Variants in ADGRL1 observed in about 807,000 individuals in gnomAD.
ADGRL1 encodes the protein adhesion G protein-coupled receptor L1.
Under a neutral mutation model 148.9 loss-of-function variants are expected in ADGRL1, and 31 were observed. The ratio of observed to expected loss-of-function variants is 0.21; its 90% CI spans 0.16 to 0.28. The LOEUF is 0.28. Among genes scored for constraint, ADGRL1 ranks in the 10% least tolerant of loss-of-function variants. The pLI is 1.00. For synonymous variants in ADGRL1, 937 were observed against 900.3 expected, an observed-to-expected ratio of 1.04 and a Z score of -0.73; for missense variants, 1,521 against 2,058.8, an observed-to-expected ratio of 0.74 and a Z score of 5.05.
intron 11 of ADGRL1, 24 bp from the exon 12 acceptor site, chr19:14,158,576 A>C (rs146515034): frequency 6.3e-7 from 1 of 1,582,990 alleles, no homozygotes; most frequent in Non-Finnish European, 8.7e-7. Flanking sequence ...GCACGTTTGG[A>C]TGTGTCAGCA....
chr19:14,179,167 G>C (rs1170717763), intron 2 of ADGRL1, among the ~76,000 whole-genome samples: 4 of 151,624 alleles, frequency 2.6e-5, no homozygotes, highest in Admixed American at 2.0e-4. Flanking sequence ...CTGGGTGACA[G>C]AGTGACATTC....
chr19:14,177,361 G>T (rs1970892843), intron 3 of ADGRL1, among the ~76,000 whole-genome samples, 170 bp downstream of exon 3: 1 of 152,142 alleles, frequency 6.6e-6, no homozygotes, highest in African/African-American at 2.4e-5. Context: ...GCTGTGGGGA[G>T]ATGTACTGGG....
chr19:14,155,381 A>G lies in ADGRL1; in HGVS notation c.3272T>C (p.Phe1091Ser), dbSNP rs1276453746. The change falls in exon 18 of 23, where the codon TTT becomes TCT. Residue 1091 changes from phenylalanine (F) to serine (S), a missense_variant. This residue lies in a region of ADGRL1 where 185 missense variants were observed against 251.7 expected (regional missense o/e 0.74). Coordinates refer to ENST00000361434, the MANE Select transcript of ADGRL1 (RefSeq NM_014921.5). This position sits in a 1 kb window ranked among gnomAD's most constrained non-coding sequence, Gnocchi z 5.0. ...CACCTTCTTCTGTAAGGCGCAGTGA[A>G]AGACGAAGATGAAGACCCCCTGGAA... ...NAFQGVFIFV[F>S]HCALQKKVHK... 1 of 1,613,978 alleles carries G rather than the reference A, an allele frequency of 6.2e-7. No individual in the cohort carries two copies. The highest frequency in any genetic ancestry group is 8.5e-7 in the Non-Finnish European group (1 of 1,179,946).
chr19:14,181,756 GTTC>G (rs1321804349), intron 2 of ADGRL1, among the ~76,000 whole-genome samples: 1 of 152,118 alleles, frequency 6.6e-6, no homozygotes, highest in Non-Finnish European at 1.5e-5. Context: ...AACAGCCACC[GTTC>G]TTCTTTCCCC....
intron 1 of ADGRL1, among the ~76,000 whole-genome samples, chr19:14,202,002 C>T (rs1264563748): frequency 1.3e-5 from 2 of 152,016 alleles, no homozygotes; most frequent in Admixed American, 6.6e-5. Context: ...GAAAAAGCCT[C>T]GAAAATATCT....
intron 1 of ADGRL1, among the ~76,000 whole-genome samples, chr19:14,186,426 C>T (rs1486044204): frequency 6.6e-6 from 1 of 152,166 alleles, no homozygotes; most frequent in East Asian, 1.9e-4. Context: ...TTGAATGAAT[C>T]TCAGATCCCA....
At chr19:14,184,633 TATTTATTTATTTA>T (rs1568618760) in intron 1 of ADGRL1, among the ~76,000 whole-genome samples, 9 of 131,164 alleles carry the variant, frequency 6.9e-5, no homozygotes, top group African/African-American at 3.0e-4. Context: ...TTTATTTATT[TATTTATTTATTTA>T]TTTTTTTTTC....
intron 1 of ADGRL1, among the ~76,000 whole-genome samples, chr19:14,203,838 G>A (rs1347259431): frequency 2.0e-5 from 3 of 151,928 alleles, no homozygotes; most frequent in African/African-American, 4.8e-5. Context: ...GCCCAGAAGT[G>A]GGGATTGAGA....
At chr19:14,172,352 G>A (rs1970531008) in intron 3 of ADGRL1, among the ~76,000 whole-genome samples, 1 of 152,124 alleles carries the variant, frequency 6.6e-6, no homozygotes, top group Admixed American at 6.6e-5. Context: ...AACCCAGGAG[G>A]CGGAGGTTGC....
At chr19:14,170,394 A>C in intron 4 of ADGRL1, 1 of 278,548 alleles carries the variant, frequency 3.6e-6, no homozygotes. Flanking sequence ...GCAGTGTGGA[A>C]ATGAGTATAG....
In ADGRL1 at chr19:14,163,727, C is replaced by A. The variant is rs556768551; in HGVS notation, c.395-321G>T. On this transcript the variant is annotated intron_variant, in intron 4 of 22. Coordinates refer to ENST00000361434, the MANE Select transcript of ADGRL1 (RefSeq NM_014921.5). ...GGAAGTGGTGCCCCTCTTCCCTTCC[C>A]TGGCTGCTAGAGACCCCACAGGCTG... 7.4e-4 allele frequency among the ~76,000 whole-genome samples: 112 copies of A among 152,212 alleles called. 2 individuals carry two copies. The South Asian group carries it at 0.018, about 25-fold the overall frequency.
rs375138532 is a variant in ADGRL1 at position 14,156,712 on chromosome 19, T to C, written c.2979A>G (p.Arg993=). Residue 993 remains arginine, a synonymous_variant, in exon 16 of 23, where the codon CGA becomes CGG. Coordinates refer to ENST00000361434, the MANE Select transcript of ADGRL1 (RefSeq NM_014921.5). ...AACTCCAGATGAAGTAATTGTCCAC[T>C]CGGAGCCAGCAGCTGTAAAGGAAAC... is the stretch of plus-strand genomic sequence containing the variant. The part of the protein sequence containing the change: ...SYGTEKACWL[R]VDNYFIWSFI... 2 of 1,610,242 alleles carry C rather than the reference T, an allele frequency of 1.2e-6. No homozygotes were observed. Among genetic ancestry groups the C allele is most frequent in the African/African-American group, 1.3e-5 (1 of 74,692 alleles).
chr19:14,171,136 C>A, intron 3 of ADGRL1: 1 of 210,098 alleles, frequency 4.8e-6, no homozygotes. Context: ...CCATGTACGG[C>A]GTGCCTGCTT....
chr19:14,202,551 C>A (rs1327315489), intron 1 of ADGRL1, among the ~76,000 whole-genome samples: 1 of 152,146 alleles, frequency 6.6e-6, no homozygotes, highest in Admixed American at 6.5e-5. Context: ...CCACGCCCAG[C>A]TGATAGGAGA....
At chr19:14,204,505 CCTTGGGG>C (rs1972830495) in intron 1 of ADGRL1, among the ~76,000 whole-genome samples, 1 of 151,978 alleles carries the variant, frequency 6.6e-6, no homozygotes, top group Admixed American at 6.6e-5. Flanking sequence ...TCATGCCAGC[CCTTGGGG>C]TGTTGGAGAG....
At chr19:14,163,465 G>GGAGAGAGAGAAAGAGA (rs1969624169) in intron 4 of ADGRL1, 59 bp from the exon 5 acceptor site, 1 of 641,406 alleles carries the variant, frequency 1.6e-6, no homozygotes, top group African/African-American at 2.4e-5. Context: ...GCGAGAGGGA[G>GGAGAGAGAGAAAGAGA]GAGAGAGAGA....
chr19:14,160,071 C>G lies in ADGRL1; in HGVS notation c.1800+41G>C. 2 of 1,531,368 alleles carry G rather than the reference C, an allele frequency of 1.3e-6. No homozygotes were observed. Among genetic ancestry groups the G allele is most frequent in the Non-Finnish European group, 1.8e-6 (2 of 1,134,466 alleles). 94.9% of individuals were successfully genotyped at this position (1,531,368 alleles called of 1,614,324 possible). A position where few individuals can be genotyped will look rare whatever the true frequency, so the allele number is the denominator to read the frequency against. Reference sequence around the variant, plus strand: ...TACTTCCCAAGCCCCTGGGGGCAGGCGCCCTCCCCATACCAGGTCAGCGCC... The same window carrying G: ...TACTTCCCAAGCCCCTGGGGGCAGGGGCCCTCCCCATACCAGGTCAGCGCC... On this transcript the variant is annotated intron_variant, in intron 8 of 22. Coordinates refer to ENST00000361434, the MANE Select transcript of ADGRL1 (RefSeq NM_014921.5). The surrounding 1 kb of genome is among the most constrained non-coding windows in gnomAD (Gnocchi z 5.9).
chr19:14,199,080 G>A (rs2145162893), intron 1 of ADGRL1, among the ~76,000 whole-genome samples: 1 of 152,324 alleles, frequency 6.6e-6, no homozygotes, highest in Non-Finnish European at 1.5e-5. Flanking sequence ...ACAGGGGCAT[G>A]GTGCCTAGCA....
At chr19:14,178,218 A>AT (rs1198994648) in intron 2 of ADGRL1, among the ~76,000 whole-genome samples, 8 of 152,108 alleles carry the variant, frequency 5.3e-5, no homozygotes, top group Non-Finnish European at 1.2e-4. Flanking sequence ...AAAACGGGCA[A>AT]TTTTGGCCAG....
Sources: gnomAD v4.1 joint callset for allele counts (sites outside exome capture counted in the v4.1 genomes callset) on GRCh38, gnomAD v4.1.1 for gene constraint, gnomAD v4.1.1 regional missense constraint, Gnocchi (gnomAD v3.1) non-coding constraint, MANE v1.5 for transcripts, NCBI Gene and HGNC (gene_info 2026-07-23, HGNC 2026-07-21) for gene names.